Variants in MYH7B observed in about 807,000 individuals in gnomAD.
MYH7B encodes myosin heavy chain 7B.
MYH7B carries 205 observed loss-of-function variants against 234.5 expected under a neutral mutation model. That is an observed-to-expected ratio of 0.87 (90% confidence interval 0.78 to 0.98). The LOEUF is 0.98. Ranked by LOEUF, MYH7B falls within the 50% of genes least tolerant of loss-of-function variation. The pLI, the probability that MYH7B is intolerant of heterozygous loss-of-function variation, is 0.00. For missense variants in MYH7B, 2,652 were observed against 2,633.4 expected, an observed-to-expected ratio of 1.01 and a Z score of -0.15; for synonymous variants, 1,193 against 1,105.0, an observed-to-expected ratio of 1.08 and a Z score of -1.58.
At chr20:34,957,207 C>T (rs188800104) in intron 1 of MYH7B, among the ~76,000 whole-genome samples, 10 of 152,290 alleles carry the variant, frequency 6.6e-5, no homozygotes, top group Admixed American at 6.5e-4. Context: ...GCCTCAGACG[C>T]CAGTTCCACT....
intron 22 of MYH7B, 174 bp from the exon 23 acceptor site, chr20:34,990,564 T>C: frequency 2.5e-6 from 2 of 787,866 alleles, no homozygotes; most frequent in Non-Finnish European, 4.5e-6. Flanking sequence ...AAGTGAAGAC[T>C]TTGGTGGTGG....
intron 2 of MYH7B, among the ~76,000 whole-genome samples, chr20:34,972,581 T>C (rs1045734272): frequency 1.3e-5 from 2 of 152,156 alleles, no homozygotes; most frequent in Non-Finnish European, 2.9e-5. Flanking sequence ...GTCAGCTCTA[T>C]GAGGGAAGGA....
At chr20:34,992,168 G>A (rs1292080977) in intron 24 of MYH7B, among the ~76,000 whole-genome samples, 2 of 152,114 alleles carry the variant, frequency 1.3e-5, no homozygotes, top group African/African-American at 4.8e-5. Flanking sequence ...GGCGGATCAC[G>A]AGGTCAGGAG....
chr20:34,997,356 G>C (rs773666833), exon 32 of MYH7B: 3 of 1,535,370 alleles, frequency 2.0e-6, no homozygotes, highest in Non-Finnish European at 2.6e-6. Context: ...GGAGCTGAGC[G>C]AGCGGCTGGA....
intron 1 of MYH7B, among the ~76,000 whole-genome samples, chr20:34,957,638 C>T (rs1366607611): frequency 6.6e-6 from 1 of 152,004 alleles, no homozygotes; most frequent in Non-Finnish European, 1.5e-5. Flanking sequence ...TACAGGCGTC[C>T]ACCACCACAC....
At chr20:34,996,894 G>T (rs2082269969) in intron 30 of MYH7B, 136 bp downstream of exon 30, 1 of 1,365,820 alleles carries the variant, frequency 7.3e-7, no homozygotes. Flanking sequence ...GGGGTGCAGG[G>T]GTAGTGTCTT....
At chr20:34,956,725 G>A (rs1323140573) in intron 1 of MYH7B, among the ~76,000 whole-genome samples, 1 of 152,156 alleles carries the variant, frequency 6.6e-6, no homozygotes, top group Non-Finnish European at 1.5e-5. Context: ...GTGAGAGGCT[G>A]GGATGGGGAC....
chr20:35,000,324 C>A (rs1297265756), exon 39 of MYH7B: 2 of 1,593,038 alleles, frequency 1.3e-6, no homozygotes, highest in South Asian at 1.1e-5. Flanking sequence ...GGAGTCCCTG[C>A]AGGCCTCCCT....
Position 34,999,697 on chromosome 20 carries a change from T to G in MYH7B, c.4665+2T>G. ...CAGGCTGCACTGGAGGAGGCAGAGG[T>G]CAGGGGCTGGCTGCAGGGGTGGGTG... is the stretch of plus-strand genomic sequence containing the variant. On this transcript the variant is annotated splice_donor_variant, in intron 37 of 44. Coordinates refer to ENST00000262873, the Ensembl canonical transcript of MYH7B. LOFTEE classifies it high-confidence loss of function. 2 of 1,611,238 alleles carry G rather than the reference T, an allele frequency of 1.2e-6. No individual in the cohort carries two copies. The highest frequency in any genetic ancestry group is 1.7e-6 in the Non-Finnish European group (2 of 1,179,264).
Position 34,999,041 on chromosome 20 carries a change from G to A in MYH7B, c.4191-15G>A. On this transcript the variant is annotated splice_polypyrimidine_tract_variant and intron_variant, in intron 35 of 44. Coordinates refer to ENST00000262873, the Ensembl canonical transcript of MYH7B. ...TCCTTCCATGGTCCACACCTTGTCT[G>A]GTTCCATGGCCTAGAAAAAAGCTGG... is the stretch of plus-strand genomic sequence containing the variant. The A allele has an allele frequency of 6.2e-7, 1 of 1,601,840 alleles. No homozygotes were observed. Among genetic ancestry groups the A allele is most frequent in the Admixed American group, 1.7e-5 (1 of 59,406 alleles).
chr20:34,987,665 G>A, exon 17 of MYH7B: 1 of 1,613,218 alleles, frequency 6.2e-7, no homozygotes, highest in Non-Finnish European at 8.5e-7. Flanking sequence ...AAGGGCCAGA[G>A]TGTGGAGCAG....
chr20:34,973,664 C>T (rs974504862), intron 2 of MYH7B, among the ~76,000 whole-genome samples: 2 of 152,244 alleles, frequency 1.3e-5, no homozygotes, highest in Non-Finnish European at 2.9e-5. Context: ...TGCATGCATC[C>T]GCATCCTGCT....
At chr20:34,963,790 C>A (rs985464381) in intron 2 of MYH7B, among the ~76,000 whole-genome samples, 3 of 152,044 alleles carry the variant, frequency 2.0e-5, no homozygotes, top group African/African-American at 7.2e-5. Context: ...TTTTACCCTC[C>A]TATTAGGTGT....
rs1270360107 is a variant in MYH7B, at chr20:34,997,428, G to C, written c.3535G>C (p.Gly1179Arg). The C allele has an allele frequency of 1.4e-5, 21 of 1,474,902 alleles. No homozygotes were observed. In the East Asian group the frequency reaches 5.3e-4, roughly 38 times the overall value. The allele number at this position is 1,474,902 out of a possible 1,614,324, so 91.4% of individuals were successfully genotyped here. The change falls in exon 32 of 45, where the codon GGG becomes CGG. Residue 1179 changes from glycine to arginine, a missense_variant. Coordinates refer to ENST00000262873, the Ensembl canonical transcript of MYH7B. ...CTGCCGCAAGCGGGAGGCGGAGCTG[G>C]GGAGGCTGCGGCGGGAGCTGGAGGA...
intron 19 of MYH7B, among the ~76,000 whole-genome samples, chr20:34,989,510 C>T (rs1230506863): frequency 6.6e-6 from 1 of 152,172 alleles, no homozygotes; most frequent in African/African-American, 2.4e-5. Flanking sequence ...GTGAAGATGA[C>T]ACCTCAGTGC....
In MYH7B at chr20:34,979,373, C is replaced by A. The variant is rs761009520; in HGVS notation, c.92-17C>A. 1.3e-6 allele frequency: 2 copies of A among 1,596,902 alleles called. No homozygotes were observed. The highest frequency in any genetic ancestry group is 4.5e-5 in the East Asian group (2 of 44,716). The stretch of plus-strand genomic sequence containing the variant: ...CCTCAGCCCCTCTCTGAGTCCAGAG[C>A]TCTCTCTGCAACCCAGGGAAGAAGC... On this transcript the variant is annotated splice_polypyrimidine_tract_variant and intron_variant, in intron 5 of 44. Transcript: ENST00000262873.
chr20:34,992,106 C>T (rs940235336), intron 24 of MYH7B, among the ~76,000 whole-genome samples: 3 of 152,230 alleles, frequency 2.0e-5, no homozygotes, highest in African/African-American at 7.2e-5. Flanking sequence ...CCCAAATGGG[C>T]TGGGCGCGGT....
At chr20:34,977,580 G>T in intron 3 of MYH7B, 52 bp from the exon 4 acceptor site, 6 of 1,537,750 alleles carry the variant, frequency 3.9e-6, no homozygotes, top group Non-Finnish European at 5.3e-6. Flanking sequence ...GGCTGGGGGG[G>T]CTGTGACACG....
exon 7 of MYH7B, chr20:34,979,744 C>T: frequency 3.7e-6 from 6 of 1,614,196 alleles, no homozygotes; most frequent in East Asian, 2.2e-5. Flanking sequence ...TGATGACGCA[C>T]CTGAACGAGG....
Sources: gnomAD v4.1 joint callset for allele counts (sites outside exome capture counted in the v4.1 genomes callset) on GRCh38, gnomAD v4.1.1 for gene constraint, MANE v1.5 for transcripts, NCBI Gene and HGNC (gene_info 2026-07-23, HGNC 2026-07-21) for gene names.